Variants in TTC19 observed in about 807,000 individuals in gnomAD.
The protein encoded by TTC19 is tetratricopeptide repeat protein 19, mitochondrial.
In TTC19, 38 loss-of-function variants were observed where a neutral mutation model predicts 49.5. The observed-to-expected ratio is 0.77, with a 90% CI of 0.59 to 1.01. The LOEUF (loss-of-function observed/expected upper bound fraction) is 1.01, where lower values mean the gene tolerates loss of function less well. TTC19 is among the 50% of genes least tolerant of loss of function. The probability of loss-of-function intolerance (pLI) is 0.00; values close to 1 mark genes in which losing one functional copy is unlikely to be tolerated. For synonymous variants in TTC19, 204 were observed against 185.2 expected, an observed-to-expected ratio of 1.10 and a Z score of -0.83; for missense variants, 475 against 477.7, an observed-to-expected ratio of 0.99 and a Z score of 0.05.
intron 7 of TTC19, among the ~76,000 whole-genome samples, chr17:16,019,307 T>G (rs1056795815): frequency 6.6e-6 from 1 of 152,194 alleles, no homozygotes; most frequent in Non-Finnish European, 1.5e-5. Flanking sequence ...CACTCCAGCC[T>G]GGGTGACAGA....
At chr17:16,039,364 C>T in intron 2 of TTC19, 1 of 1,436,580 alleles carries the variant, frequency 7.0e-7, no homozygotes, top group South Asian at 1.2e-5. Flanking sequence ...AGTGATGCAT[C>T]AGAATTTGGG....
chr17:16,036,701 C>T (rs533179099), intron 2 of TTC19, among the ~76,000 whole-genome samples: 2 of 152,324 alleles, frequency 1.3e-5, no homozygotes, highest in African/African-American at 2.4e-5. Flanking sequence ...TCATCTGTGG[C>T]TTCCTCGCCT....
chr17:16,041,249 C>T (rs1178762221), intron 2 of TTC19: 1 of 152,078 alleles, frequency 6.6e-6, no homozygotes, highest in African/African-American at 2.4e-5. Flanking sequence ...TGGGAACCGC[C>T]TATAATAAAG....
chr17:16,037,724 C>T (rs2151935894), intron 2 of TTC19, among the ~76,000 whole-genome samples: 1 of 152,340 alleles, frequency 6.6e-6, no homozygotes, highest in East Asian at 1.9e-4. Flanking sequence ...CTTCATGCTA[C>T]TACAGGACTT....
chr17:16,019,409 G>A lies in TTC19; in HGVS notation c.677-5608G>A, dbSNP rs1406548109. 2.6e-5 allele frequency among the ~76,000 whole-genome samples: 4 copies of A among 152,158 alleles called. No individual in the cohort carries two copies. In the South Asian group the frequency reaches 8.3e-4, roughly 32 times the overall value. On this transcript the variant is annotated intron_variant, in intron 7 of 9. Transcript: ENST00000261647. ...ATGAATGGTATCATACTGTACAATT[G>A]GTTTTGTAGTTTGCTTTTGTCACTC... is the stretch of plus-strand genomic sequence containing the variant.
rs1567589741 is a variant in TTC19 at position 16,028,401 on chromosome 17, G to A, written c.*879G>A. 4.4e-6 allele frequency: 2 copies of A among 454,058 alleles called. No homozygotes were observed. The highest frequency in any genetic ancestry group is 2.0e-5 in the African/African-American group (1 of 50,112). The allele number at this position is 454,058 out of a possible 1,614,324, so 28.1% of individuals were successfully genotyped here. ...CTGGTATAGCTGAACTACTGACCTG[G>A]ATCTTAGTCCTAGCCTTTTTGCTTT... On this transcript the variant is annotated 3_prime_UTR_variant, in exon 10 of 10. Transcript: ENST00000261647.
At chr17:16,020,517 T>C (rs150050747) in intron 7 of TTC19, among the ~76,000 whole-genome samples, 11 of 152,344 alleles carry the variant, frequency 7.2e-5, no homozygotes, top group Admixed American at 1.3e-4. Context: ...TTTATCTTCA[T>C]AGTTTGTGCT....
At chr17:16,019,126 A>G (rs1287516434) in intron 7 of TTC19, among the ~76,000 whole-genome samples, 1 of 152,150 alleles carries the variant, frequency 6.6e-6, no homozygotes, top group Non-Finnish European at 1.5e-5. Flanking sequence ...TGAGGTTAGG[A>G]GTTCAAGACC....
In TTC19 at chr17:16,000,395, A is replaced by G. The variant is rs561726804; in HGVS notation, c.312+150A>G. On this transcript the variant is annotated intron_variant, in intron 2 of 9. Transcript: ENST00000261647. Reference sequence around the variant, plus strand: ...TGCCGAGAATGAGGTGGGTCATCCGAGAGGGGATTGGAATCCATCCAGGCT... The same window carrying G: ...TGCCGAGAATGAGGTGGGTCATCCGGGAGGGGATTGGAATCCATCCAGGCT... 1.3e-4 allele frequency: 190 copies of G among 1,496,742 alleles called. 2 individuals carry two copies. In the South Asian group the frequency reaches 2.1e-3, roughly 17 times the overall value. The allele number at this position is 1,496,742 out of a possible 1,614,324, so 92.7% of individuals were successfully genotyped here. A position where few individuals can be genotyped will look rare whatever the true frequency, so the allele number is the denominator to read the frequency against.
intron 6 of TTC19, 40 bp from the exon 7 acceptor site, chr17:16,006,434 A>T: frequency 7.1e-7 from 1 of 1,406,156 alleles, no homozygotes; most frequent in Non-Finnish European, 1.0e-6. Context: ...AAAAAAAAAG[A>T]AGAAAAGGTA....
intron 7 of TTC19, among the ~76,000 whole-genome samples, chr17:16,023,044 CAAAGG>C (rs1308307919): frequency 6.6e-6 from 1 of 152,038 alleles, no homozygotes; most frequent in Non-Finnish European, 1.5e-5. Flanking sequence ...AAATTACTAG[CAAAGG>C]AACTCTTTGG....
chr17:16,019,962 A>C, intron 7 of TTC19, among the ~76,000 whole-genome samples: 1 of 138,854 alleles, frequency 7.2e-6, no homozygotes, highest in African/African-American at 3.0e-5. Context: ...CCCCATCTCT[A>C]CTTAAAAAAA....
chr17:16,044,621 A>G (rs1463611209), exon 3 of TTC19: 4 of 608,250 alleles, frequency 6.6e-6, no homozygotes, highest in Non-Finnish European at 1.3e-5. Context: ...TGCCCATACC[A>G]TGTCCTCTGT....
In TTC19 at chr17:16,025,676, A is replaced by T. The variant is rs79939563; in HGVS notation, c.831+505A>T. 2.9e-3 allele frequency among the ~76,000 whole-genome samples: 441 copies of T among 152,378 alleles called. 13 individuals carry two copies. The East Asian group carries it at 0.072, about 25-fold the overall frequency. ...AGCTCTGTGTTAGAACATTAAACAC[A>T]TTGAATTGAAATCATCTCTTTGGGT... On this transcript the variant is annotated intron_variant, in intron 8 of 9. Transcript: ENST00000261647.
rs1213878079 is a variant in TTC19 at position 16,017,373 on chromosome 17, C to G, written c.677-7644C>G. Among the ~76,000 whole-genome samples the G allele has an allele frequency of 2.1e-5, 3 of 144,892 alleles. No homozygotes were observed. The East Asian group carries it at 6.2e-4, about 30-fold the overall frequency. On this transcript the variant is annotated intron_variant, in intron 7 of 9. Transcript: ENST00000261647. ...CTGAGGCAGGAGAATGGCACGAACCCAGAAGCCAGAGCTTGCAGTGAGCCG... is the reference window on the plus strand; with the variant it reads ...CTGAGGCAGGAGAATGGCACGAACCGAGAAGCCAGAGCTTGCAGTGAGCCG...
chr17:16,014,368 G>T (rs971752997), intron 7 of TTC19, among the ~76,000 whole-genome samples: 20 of 152,208 alleles, frequency 1.3e-4, no homozygotes, highest in Non-Finnish European at 1.5e-5. Flanking sequence ...CAAAGCAGCT[G>T]CTCTGCTAGC....
chr17:16,039,219 C>A, intron 2 of TTC19: 1 of 557,432 alleles, frequency 1.8e-6, no homozygotes, highest in Non-Finnish European at 3.2e-6. Flanking sequence ...GAGGGTGACA[C>A]TTTGGGTAAA....
intron 8 of TTC19, 58 bp from the exon 9 acceptor site, chr17:16,026,480 CAT>C: frequency 6.5e-7 from 1 of 1,526,956 alleles, no homozygotes; most frequent in African/African-American, 1.4e-5. Context: ...ATGCACTCCA[CAT>C]TAAAGTTCTG....
intron 6 of TTC19, 136 bp downstream of exon 6, chr17:16,004,398 CTTTGAAA>C: frequency 1.2e-6 from 1 of 854,764 alleles, no homozygotes; most frequent in East Asian, 2.5e-5. Flanking sequence ...CATCCCTCAT[CTTTGAAA>C]TTGTCAGTCT....
Sources: allele counts gnomAD v4.1 joint callset (sites outside exome capture counted in the v4.1 genomes callset), GRCh38; gene constraint gnomAD v4.1.1; transcripts MANE v1.5; gene names NCBI Gene and HGNC (gene_info 2026-07-23, HGNC 2026-07-21).